The following B4GALT6 variants were observed in gnomAD, a reference collection of about 807,000 sequenced individuals.
B4GALT6 encodes UDP-Gal:beta-GlcNAc beta-1,4-galactosyltransferase 6.
Under a neutral mutation model 46.3 loss-of-function variants are expected in B4GALT6, and 14 were observed. That is an observed-to-expected ratio of 0.30 (90% CI 0.20 to 0.47). B4GALT6 has a LOEUF of 0.47. Among genes scored for constraint, B4GALT6 ranks in the 20% least tolerant of loss-of-function variants. The probability of loss-of-function intolerance (pLI) is 0.99; values close to 1 mark genes in which losing one functional copy is unlikely to be tolerated. For missense variants in B4GALT6, 386 were observed against 480.1 expected (o/e 0.80, Z 1.83); for synonymous variants, 168 against 162.0 (o/e 1.04, Z -0.28).
intron 3 of B4GALT6, among the ~76,000 whole-genome samples, chr18:31,654,537 A>C (rs1250135835): frequency 6.6e-6 from 1 of 152,236 alleles, no homozygotes; most frequent in Non-Finnish European, 1.5e-5. Flanking sequence ...AACACTGCTG[A>C]AATGTATGAA....
chr18:31,684,791 G>T, upstream of B4GALT6: 2 of 1,041,222 alleles, frequency 1.9e-6, no homozygotes, highest in Non-Finnish European at 2.3e-6. Context: ...GTGGGAGGAG[G>T]CGCAGGCTGC....
the B4GALT6 span, among the ~76,000 whole-genome samples, chr18:31,712,268 G>C: frequency 8.0e-6 from 1 of 125,022 alleles, no homozygotes; most frequent in South Asian, 2.4e-4. Flanking sequence ...CTTGTTTTTT[G>C]CACTTCTACT....
Position 31,684,185 on chromosome 18 carries a change from T to C in B4GALT6, c.115+127A>G. The C allele has an allele frequency of 3.4e-6, 5 of 1,459,594 alleles. No homozygotes were observed. The South Asian group carries it at 6.7e-5, about 20-fold the overall frequency. 90.4% of individuals were successfully genotyped at this position (1,459,594 alleles called of 1,614,324 possible). A position where few individuals can be genotyped will look rare whatever the true frequency, so the allele number is the denominator to read the frequency against. ...CAGTTTGACACGTCTGAAATAACAT[T>C]TAAAACAAAACGCTTTTCTGCGGGC... On this transcript the variant is annotated intron_variant, in intron 1 of 8. Transcript: ENST00000306851.
intron 8 of B4GALT6, 50 bp downstream of exon 8, chr18:31,626,233 T>A: frequency 9.1e-7 from 1 of 1,104,050 alleles, no homozygotes; most frequent in Non-Finnish European, 1.3e-6. Context: ...ACCTTTCATT[T>A]ATTCAACAGC....
chr18:31,653,428 CTTTT>C (rs1174613179), intron 3 of B4GALT6, among the ~76,000 whole-genome samples: 2 of 143,022 alleles, frequency 1.4e-5, no homozygotes, highest in African/African-American at 5.1e-5. Context: ...CATTCATAAC[CTTTT>C]TTCTTTTTTT....
At chr18:31,708,558 C>T in the B4GALT6 span, among the ~76,000 whole-genome samples, 6 of 151,188 alleles carry the variant, frequency 4.0e-5, no homozygotes, top group East Asian at 1.9e-4. Context: ...GAGTGAGACT[C>T]GTCTCAATAA....
At position 31,650,988 on chromosome 18, in the gene B4GALT6, A is replaced by T. The variant is rs546805592; in HGVS notation, c.347-5509T>A. 3.3e-5 allele frequency among the ~76,000 whole-genome samples: 5 copies of T among 151,998 alleles called. 1 individual carries two copies. Among genetic ancestry groups the T allele is most frequent in the Non-Finnish European group, 5.9e-5 (4 of 67,984 alleles). On this transcript the variant is annotated intron_variant, in intron 3 of 8. Coordinates refer to ENST00000306851, the MANE Select transcript of B4GALT6 (RefSeq NM_004775.5). ...TCACCGTGTTAGACAGGATGGTCTC[A>T]ATCTCCTGAGCTTGTGATCCACCCA...
the B4GALT6 span, among the ~76,000 whole-genome samples, chr18:31,691,004 G>A: frequency 6.6e-6 from 1 of 152,014 alleles, no homozygotes; most frequent in Non-Finnish European, 1.5e-5. Context: ...TGGGGGGCAA[G>A]GGGAGGGAGA....
the B4GALT6 span, chr18:31,724,529 G>T: frequency 9.8e-7 from 1 of 1,016,106 alleles, no homozygotes; most frequent in Non-Finnish European, 1.2e-6. Flanking sequence ...CGTCAGCTCC[G>T]CTTCAGGAAT....
chr18:31,644,013 G>A (rs1421413735), intron 4 of B4GALT6, among the ~76,000 whole-genome samples: 3 of 152,222 alleles, frequency 2.0e-5, no homozygotes, highest in Admixed American at 1.3e-4. Flanking sequence ...AAGGTGGAAT[G>A]TATGTAAATT....
intron 2 of B4GALT6, among the ~76,000 whole-genome samples, chr18:31,660,932 T>C (rs1321816674): frequency 1.3e-5 from 2 of 152,158 alleles, no homozygotes; most frequent in Non-Finnish European, 2.9e-5. Context: ...GCCATCAGGA[T>C]GGTCAACAGA....
intron 1 of B4GALT6, among the ~76,000 whole-genome samples, chr18:31,683,799 T>C (rs2074508977): frequency 6.6e-6 from 1 of 152,040 alleles, no homozygotes; most frequent in African/African-American, 2.4e-5. Context: ...TCCCCAAGTA[T>C]GGCACAAAAA....
rs1791160 is a variant in B4GALT6, at chr18:31,625,310, T to G, written c.*304A>C. On this transcript the variant is annotated 3_prime_UTR_variant, in exon 9 of 9. Coordinates refer to ENST00000306851, the MANE Select transcript of B4GALT6 (RefSeq NM_004775.5). ...TGTTTAAACGGAAATAAAAGCATTC[T>G]CTTGAATTAAATTATAGATTTTAGT... 4.2e-4 allele frequency: 117 copies of G among 281,540 alleles called. No homozygotes were observed. Among genetic ancestry groups the G allele is most frequent in the African/African-American group, 2.5e-3 (113 of 45,440 alleles). 17.4% of individuals were successfully genotyped at this position (281,540 alleles called of 1,614,324 possible).
the B4GALT6 span, among the ~76,000 whole-genome samples, chr18:31,706,396 C>A: frequency 2.6e-5 from 4 of 151,980 alleles, no homozygotes; most frequent in African/African-American, 9.7e-5. Context: ...TTTGGGAGGC[C>A]GAGGCAGGCA....
At chr18:31,709,780 G>A in the B4GALT6 span, among the ~76,000 whole-genome samples, 1 of 151,922 alleles carries the variant, frequency 6.6e-6, no homozygotes, top group Admixed American at 6.6e-5. Context: ...CTGTAGTCAG[G>A]GACTTCTCAA....
the B4GALT6 span, among the ~76,000 whole-genome samples, chr18:31,694,439 AT>A: frequency 1.3e-5 from 2 of 152,228 alleles, no homozygotes. Flanking sequence ...GCAAGACTGA[AT>A]ATCTTTAAAC....
intron 3 of B4GALT6, among the ~76,000 whole-genome samples, chr18:31,650,524 G>A (rs2074051476): frequency 2.0e-5 from 3 of 152,226 alleles, no homozygotes; most frequent in African/African-American, 7.2e-5. Context: ...AGCAATGCTG[G>A]TAGGAGGTTT....
the B4GALT6 span, among the ~76,000 whole-genome samples, chr18:31,705,875 C>T: frequency 7.2e-5 from 11 of 152,168 alleles, no homozygotes; most frequent in East Asian, 3.8e-4. Context: ...TCTTATTCAA[C>T]GTTTTTCTGA....
intron 6 of B4GALT6, 54 bp from the exon 7 acceptor site, chr18:31,627,175 T>C: frequency 5.3e-6 from 8 of 1,522,532 alleles, no homozygotes; most frequent in Non-Finnish European, 7.1e-6. Flanking sequence ...ATTTCCCATG[T>C]GAAATGAAGG....
Sources: gnomAD v4.1 joint callset for allele counts (sites outside exome capture counted in the v4.1 genomes callset) on GRCh38, gnomAD v4.1.1 for gene constraint, MANE v1.5 for transcripts, NCBI Gene and HGNC (gene_info 2026-07-23, HGNC 2026-07-21) for gene names.